Variants in PKNOX2 observed in about 807,000 individuals in gnomAD.
The protein encoded by PKNOX2 is homeobox protein PKNOX2.
PKNOX2 carries 14 observed loss-of-function variants against 53.1 expected under a neutral mutation model. The ratio of observed to expected loss-of-function variants is 0.26; its 90% CI spans 0.17 to 0.41. The LOEUF is 0.41. Ranked by LOEUF, PKNOX2 falls within the 10% of genes least tolerant of loss-of-function variation. The pLI is 1.00. For synonymous variants in PKNOX2, 257 were observed against 242.8 expected (o/e 1.06, Z -0.54); for missense variants, 496 against 602.8 (o/e 0.82, Z 1.85).
At chr11:125,347,394 A>C (rs1240122049) in intron 3 of PKNOX2, among the ~76,000 whole-genome samples, 1 of 152,234 alleles carries the variant, frequency 6.6e-6, no homozygotes, top group Non-Finnish European at 1.5e-5. Context: ...TTTGTGCCCC[A>C]GGCCATTAAT....
chr11:125,413,277 C>T (rs978276577), intron 10 of PKNOX2, among the ~76,000 whole-genome samples: 41 of 152,186 alleles, frequency 2.7e-4, no homozygotes, highest in African/African-American at 8.7e-4. Context: ...CCAGAGGCCC[C>T]GCAGCAGGTC....
At chr11:125,324,535 T>A (rs1002931544) in intron 2 of PKNOX2, among the ~76,000 whole-genome samples, 1 of 151,890 alleles carries the variant, frequency 6.6e-6, no homozygotes, top group Non-Finnish European at 1.5e-5. Context: ...TCAAGTGGGG[T>A]GGCAGAGTAG....
chr11:125,185,019 A>G (rs563249580), intron 1 of PKNOX2, among the ~76,000 whole-genome samples: 1 of 152,332 alleles, frequency 6.6e-6, no homozygotes, highest in East Asian at 1.9e-4. Flanking sequence ...CATTTTGTGT[A>G]TGGTACCTGG....
chr11:125,320,181 G>T (rs1348227236), intron 2 of PKNOX2, among the ~76,000 whole-genome samples: 1 of 152,132 alleles, frequency 6.6e-6, no homozygotes, highest in South Asian at 2.1e-4. Flanking sequence ...TGAAAGGAGA[G>T]GCATATTTAA....
chr11:125,222,749 GT>G (rs1941325829), intron 1 of PKNOX2, among the ~76,000 whole-genome samples: 1 of 150,216 alleles, frequency 6.7e-6, no homozygotes, highest in Non-Finnish European at 1.5e-5. Flanking sequence ...CTGTGTCTGT[GT>G]GCCTGTGTAT....
chr11:125,277,461 A>T (rs1259454338), intron 2 of PKNOX2: 3 of 152,172 alleles, frequency 2.0e-5, no homozygotes, highest in Non-Finnish European at 4.4e-5. Context: ...CATACGTAGG[A>T]GGGGGCATGA....
intron 5 of PKNOX2, among the ~76,000 whole-genome samples, chr11:125,378,974 G>GT (rs956501849): frequency 2.4e-3 from 255 of 106,266 alleles, no homozygotes; most frequent in Middle Eastern, 4.2e-3. Flanking sequence ...AGAAATGTTT[G>GT]TTTTTTTTTT....
At chr11:125,399,478 T>C (rs1954608606) in intron 7 of PKNOX2, among the ~76,000 whole-genome samples, 1 of 152,188 alleles carries the variant, frequency 6.6e-6, no homozygotes, top group Non-Finnish European at 1.5e-5. Flanking sequence ...AGATGCAAGA[T>C]AGGAGCTGAG....
chr11:125,417,483 G>A (rs972208027), intron 10 of PKNOX2, among the ~76,000 whole-genome samples: 7 of 151,972 alleles, frequency 4.6e-5, no homozygotes, highest in African/African-American at 1.7e-4. Context: ...CACCCTAGGA[G>A]GAGGTAATAC....
At chr11:125,355,247 A>G (rs1196205465) in intron 4 of PKNOX2, among the ~76,000 whole-genome samples, 2 of 149,056 alleles carry the variant, frequency 1.3e-5, no homozygotes, top group Non-Finnish European at 3.0e-5. Flanking sequence ...AGCCTGAGTG[A>G]CAGAGTGAGA....
intron 10 of PKNOX2, among the ~76,000 whole-genome samples, chr11:125,416,033 G>A (rs553512763): frequency 1.3e-5 from 2 of 152,266 alleles, no homozygotes; most frequent in South Asian, 2.1e-4. Context: ...GCCGGGTGCG[G>A]TGGCTCACGC....
At chr11:125,254,893 G>T (rs557221966) in intron 2 of PKNOX2, among the ~76,000 whole-genome samples, 4 of 152,280 alleles carry the variant, frequency 2.6e-5, no homozygotes, top group Admixed American at 1.3e-4. Flanking sequence ...ACAGTGGATG[G>T]TTTAGGGTAA....
chr11:125,175,094 G>A (rs1955608543), intron 1 of PKNOX2, among the ~76,000 whole-genome samples: 1 of 152,192 alleles, frequency 6.6e-6, no homozygotes, highest in Non-Finnish European at 1.5e-5. Flanking sequence ...ATGGCAGCAA[G>A]ATGGGGGACT....
At chr11:125,311,759 C>G (rs1948823115) in intron 2 of PKNOX2, among the ~76,000 whole-genome samples, 1 of 152,180 alleles carries the variant, frequency 6.6e-6, no homozygotes, top group South Asian at 2.1e-4. Flanking sequence ...AGCGTCCTAT[C>G]AAAGCCTTGA....
At chr11:125,283,430 C>T (rs1031193645) in intron 2 of PKNOX2, among the ~76,000 whole-genome samples, 1 of 152,206 alleles carries the variant, frequency 6.6e-6, no homozygotes, top group South Asian at 2.1e-4. Flanking sequence ...TTGAAGCTTC[C>T]TCCTCCTCTC....
intron 1 of PKNOX2, among the ~76,000 whole-genome samples, chr11:125,184,760 T>A (rs1026784661): frequency 5.9e-5 from 9 of 152,196 alleles, no homozygotes; most frequent in Admixed American, 5.9e-4. Flanking sequence ...TGTCGGAGGC[T>A]GGCTAGGCTG....
chr11:125,388,137 A>G (rs1463186538), intron 6 of PKNOX2, among the ~76,000 whole-genome samples: 1 of 152,088 alleles, frequency 6.6e-6, no homozygotes, highest in Non-Finnish European at 1.5e-5. Context: ...GGAGTCAAGC[A>G]GTGCCCCTTG....
At chr11:125,290,106 G>T (rs776242747) in intron 2 of PKNOX2, among the ~76,000 whole-genome samples, 3 of 152,214 alleles carry the variant, frequency 2.0e-5, no homozygotes. Flanking sequence ...CTGAGTGAAT[G>T]AATCCCTAAA....
chr11:125,384,129 A>T (rs1010921181), intron 5 of PKNOX2, among the ~76,000 whole-genome samples: 1 of 152,202 alleles, frequency 6.6e-6, no homozygotes, highest in Non-Finnish European at 1.5e-5. Context: ...GGTGCTGTGG[A>T]CTTATACATG....
Sources: allele counts gnomAD v4.1 joint callset (sites outside exome capture counted in the v4.1 genomes callset), GRCh38; gene constraint gnomAD v4.1.1; transcripts MANE v1.5; gene names NCBI Gene and HGNC (gene_info 2026-07-23, HGNC 2026-07-21).